Variants in RARB observed in about 807,000 individuals in gnomAD.
RARB encodes HBV-activated protein.
In RARB, 17 loss-of-function variants were observed where a neutral mutation model predicts 51.9. That is an observed-to-expected ratio of 0.33 (90% CI 0.22 to 0.49). The LOEUF is 0.49. Ranked by LOEUF, RARB falls within the 20% of genes least tolerant of loss-of-function variation. The pLI is 0.99. For missense variants in RARB, 369 were observed against 550.8 expected (o/e 0.67, Z 3.30); for synonymous variants, 215 against 195.4 (o/e 1.10, Z -0.84).
chr3:25,369,232 C>T (rs1706226555), intron 5 of RARB, among the ~76,000 whole-genome samples: 1 of 152,110 alleles, frequency 6.6e-6, no homozygotes, highest in African/African-American at 2.4e-5. Context: ...TTTTTGAGCA[C>T]TTATTTTATA....
chr3:24,985,729 C>G (rs1256024759), intron 2 of RARB, among the ~76,000 whole-genome samples: 2 of 152,144 alleles, frequency 1.3e-5, no homozygotes, highest in Non-Finnish European at 2.9e-5. Context: ...TGAGCCATGC[C>G]TTCTCCAGAA....
At chr3:24,942,727 A>C (rs534021719) in intron 2 of RARB, among the ~76,000 whole-genome samples, 1 of 152,316 alleles carries the variant, frequency 6.6e-6, no homozygotes, top group South Asian at 2.1e-4. Flanking sequence ...ATAAGGACTC[A>C]GTGAAGATTA....
intron 4 of RARB, among the ~76,000 whole-genome samples, chr3:25,158,344 C>G (rs138466209): frequency 6.6e-6 from 1 of 152,158 alleles, no homozygotes; most frequent in African/African-American, 2.4e-5. Context: ...TTCAATAGTT[C>G]CATGGCTTGC....
intron 4 of RARB, among the ~76,000 whole-genome samples, chr3:25,142,083 A>G (rs1313011351): frequency 6.6e-6 from 1 of 152,204 alleles, no homozygotes; most frequent in African/African-American, 2.4e-5. Context: ...TGTGATGCCA[A>G]CACTTTGGGA....
chr3:25,089,673 GTTGTT>G (rs757692522), intron 3 of RARB, among the ~76,000 whole-genome samples: 3 of 152,036 alleles, frequency 2.0e-5, no homozygotes, highest in Non-Finnish European at 4.4e-5. Flanking sequence ...TTTATTTTGG[GTTGTT>G]TTATCTCAGT....
chr3:24,939,339 T>A (rs1366154494), intron 2 of RARB, among the ~76,000 whole-genome samples: 4 of 152,222 alleles, frequency 2.6e-5, no homozygotes. Flanking sequence ...TCTGTAGAAA[T>A]GGAATGCTGG....
chr3:25,537,706 C>T (rs1017709854), intron 3 of RARB, among the ~76,000 whole-genome samples: 3 of 152,178 alleles, frequency 2.0e-5, no homozygotes, highest in South Asian at 4.1e-4. Context: ...GTTTGATTTA[C>T]GACTCTCTTC....
intron 3 of RARB, among the ~76,000 whole-genome samples, chr3:25,094,817 G>C (rs148513714): frequency 6.7e-6 from 1 of 150,036 alleles, no homozygotes; most frequent in East Asian, 2.0e-4. Flanking sequence ...GATGTAGGTT[G>C]TCTTGTGCCA....
intron 3 of RARB, among the ~76,000 whole-genome samples, chr3:25,536,854 T>C (rs1699162625): frequency 6.6e-6 from 1 of 152,162 alleles, no homozygotes; most frequent in Admixed American, 6.5e-5. Context: ...ATAGGATTTT[T>C]AGAAGCCCTA....
chr3:24,872,356 A>G (rs1702963508), intron 2 of RARB, among the ~76,000 whole-genome samples: 1 of 151,962 alleles, frequency 6.6e-6, no homozygotes, highest in Admixed American at 6.6e-5. Flanking sequence ...TAATCCCCTC[A>G]TCTCTGTCAA....
At chr3:25,253,861 C>T (rs1269996906) in intron 5 of RARB, among the ~76,000 whole-genome samples, 1 of 152,104 alleles carries the variant, frequency 6.6e-6, no homozygotes, top group East Asian at 1.9e-4. Flanking sequence ...GGAACCGCAC[C>T]TTTAGCTTAA....
intron 3 of RARB, among the ~76,000 whole-genome samples, chr3:25,549,482 C>A (rs1383613708): frequency 6.6e-6 from 1 of 152,182 alleles, no homozygotes; most frequent in Admixed American, 6.5e-5. Context: ...AGCTGAGGAT[C>A]TGATGACCAG....
chr3:25,007,061 CTG>C (rs1467462058), intron 2 of RARB, among the ~76,000 whole-genome samples: 1 of 152,152 alleles, frequency 6.6e-6, no homozygotes, highest in Non-Finnish European at 1.5e-5. Context: ...AACTTGAAAA[CTG>C]TGATTTTCAC....
chr3:25,177,398 G>C (rs529024654), intron 5 of RARB, among the ~76,000 whole-genome samples: 8 of 152,298 alleles, frequency 5.3e-5, no homozygotes, highest in African/African-American at 1.9e-4. Context: ...GGGTGGAAAA[G>C]CTGACCAACG....
intron 2 of RARB, among the ~76,000 whole-genome samples, chr3:24,865,574 C>G (rs1353140778): frequency 6.6e-6 from 1 of 152,116 alleles, no homozygotes; most frequent in African/African-American, 2.4e-5. Context: ...TTTACTGAGT[C>G]TCACGTAGCC....
rs189351216 is a variant in RARB at position 25,420,071 on chromosome 3, C to G, written c.179-41122C>G. ...TATTTTTTTAACCAAAAATACTTAA[C>G]ATTGTATTCACATTACCTGTGTGTG... is the stretch of plus-strand genomic sequence containing the variant. On this transcript the variant is annotated intron_variant, in intron 5 of 11. Coordinates refer to the RARB transcript ENST00000383772. Among the ~76,000 whole-genome samples, 4 of 152,184 alleles carry G rather than the reference C, an allele frequency of 2.6e-5. No homozygotes were observed. In the East Asian group the frequency reaches 7.7e-4, roughly 29 times the overall value.
chr3:25,527,034 C>G (rs192911345), intron 3 of RARB, among the ~76,000 whole-genome samples: 12 of 152,260 alleles, frequency 7.9e-5, no homozygotes, highest in African/African-American at 2.9e-4. Context: ...TCAGTGTCAG[C>G]AGTGGGAAAG....
intron 5 of RARB, among the ~76,000 whole-genome samples, chr3:25,423,083 G>T (rs899599102): frequency 2.0e-5 from 3 of 152,170 alleles, no homozygotes; most frequent in African/African-American, 7.2e-5. Context: ...ATTTCCAGTG[G>T]CCCCGTACAG....
intron 5 of RARB, among the ~76,000 whole-genome samples, chr3:25,345,664 C>CAAAAAA (rs71061207): frequency 1.0e-5 from 1 of 96,506 alleles, no homozygotes; most frequent in African/African-American, 4.7e-5. Flanking sequence ...GACTCCGTCT[C>CAAAAAA]AAAAAAAAAA....
Sources: allele counts gnomAD v4.1 joint callset (sites outside exome capture counted in the v4.1 genomes callset), GRCh38; gene constraint gnomAD v4.1.1; transcripts MANE v1.5; gene names NCBI Gene and HGNC (gene_info 2026-07-23, HGNC 2026-07-21).